RIC1: variants seen among roughly 807,000 people sequenced by gnomAD.
RIC1 encodes the protein RIC1 partner of RAB6A GEF complex, also known as guanine nucleotide exchange factor subunit RIC1.
Under a neutral mutation model 169.0 loss-of-function variants are expected in RIC1, and 88 were observed. The observed-to-expected ratio is 0.52, with a 90% CI of 0.44 to 0.62. The LOEUF is 0.62. Among genes scored for constraint, RIC1 ranks in the 20% least tolerant of loss-of-function variants. RIC1 has a pLI of 0.00. For synonymous variants in RIC1, 790 were observed against 601.5 expected, an observed-to-expected ratio of 1.31 and a Z score of -4.59; for missense variants, 1,877 against 1,725.5, an observed-to-expected ratio of 1.09 and a Z score of -1.56.
At chr9:5,769,858 G>A (rs1343767284) in intron 22 of RIC1, among the ~76,000 whole-genome samples, 1 of 152,162 alleles carries the variant, frequency 6.6e-6, no homozygotes, top group African/African-American at 2.4e-5. Context: ...CCTAGCTCCA[G>A]TAAGAAATAG....
chr9:5,656,889 C>A (rs1819133540), intron 2 of RIC1, among the ~76,000 whole-genome samples, 199 bp downstream of exon 2: 1 of 152,274 alleles, frequency 6.6e-6, no homozygotes, highest in South Asian at 2.1e-4. Context: ...ACTTCCTTAA[C>A]AAAGCACCTA....
chr9:5,660,061 T>C (rs1280211227), intron 2 of RIC1, among the ~76,000 whole-genome samples: 1 of 152,186 alleles, frequency 6.6e-6, no homozygotes, highest in Non-Finnish European at 1.5e-5. Flanking sequence ...TGTGTCCATA[T>C]GTTCTCATCA....
chr9:5,759,953 A>G (rs1257765349), intron 17 of RIC1, among the ~76,000 whole-genome samples: 1 of 152,236 alleles, frequency 6.6e-6, no homozygotes, highest in Non-Finnish European at 1.5e-5. Flanking sequence ...AACCAGTGGC[A>G]TCAGTAGTCC....
At chr9:5,672,168 C>T (rs1479223706) in intron 2 of RIC1, among the ~76,000 whole-genome samples, 1 of 152,154 alleles carries the variant, frequency 6.6e-6, no homozygotes, top group African/African-American at 2.4e-5. Flanking sequence ...TCACTTTATC[C>T]AGCATCTGTA....
chr9:5,667,056 G>A (rs1210538104), intron 2 of RIC1, among the ~76,000 whole-genome samples: 1 of 152,122 alleles, frequency 6.6e-6, no homozygotes, highest in African/African-American at 2.4e-5. Context: ...TGGATGTGAT[G>A]GCTCATGTCT....
chr9:5,769,467 T>G, intron 22 of RIC1: 1 of 1,454,408 alleles, frequency 6.9e-7, no homozygotes, highest in Non-Finnish European at 9.0e-7. Context: ...CTTGTGACCT[T>G]GAAGTCTAAT....
chr9:5,629,480 GCCGCTGCCT>G lies in RIC1; in HGVS notation c.144+30_144+38del, dbSNP rs557350455. On this transcript the variant is annotated intron_variant, in intron 1 of 25. Coordinates refer to ENST00000414202, the MANE Select transcript of RIC1 (RefSeq NM_020829.4). ...TAAGTAGAGCCGCCCGCCGCCTTTCGCCGCTGCCTCCCCGGCCTCCCGGCGCCGTCCCAC... is the reference window on the plus strand; with the variant it reads ...TAAGTAGAGCCGCCCGCCGCCTTTCGCCCCGGCCTCCCGGCGCCGTCCCAC... 1.8e-4 allele frequency: 277 copies of G among 1,520,934 alleles called. 1 individual carries two copies. In the African/African-American group the frequency reaches 3.2e-3, roughly 18 times the overall value. The allele number at this position is 1,520,934 out of a possible 1,614,324, so 94.2% of individuals were successfully genotyped here.
At chr9:5,630,246 G>T (rs940705899) in intron 1 of RIC1, among the ~76,000 whole-genome samples, 16 of 152,224 alleles carry the variant, frequency 1.1e-4, no homozygotes, top group African/African-American at 3.9e-4. Flanking sequence ...AAAGAAATAA[G>T]TGGTGGATGG....
chr9:5,680,088 A>C (rs537695757), intron 2 of RIC1, among the ~76,000 whole-genome samples: 1 of 152,156 alleles, frequency 6.6e-6, no homozygotes, highest in African/African-American at 2.4e-5. Flanking sequence ...TTCTGCATCT[A>C]TTGAGATAAT....
chr9:5,738,362 C>A, intron 7 of RIC1, 88 bp from the exon 8 acceptor site: 1 of 863,842 alleles, frequency 1.2e-6, no homozygotes, highest in Non-Finnish European at 1.8e-6. Context: ...GTTTACACTC[C>A]CACCAGCAAA....
chr9:5,762,442 T>C (rs770181951), intron 17 of RIC1, 99 bp from the exon 18 acceptor site: 66 of 1,401,694 alleles, frequency 4.7e-5, no homozygotes, highest in Non-Finnish European at 6.3e-5. Flanking sequence ...CAATAAATAA[T>C]GTAGATTGTT....
At chr9:5,706,147 G>A (rs1822571562) in intron 3 of RIC1, among the ~76,000 whole-genome samples, 1 of 152,126 alleles carries the variant, frequency 6.6e-6, no homozygotes, top group Admixed American at 6.5e-5. Flanking sequence ...TGGTATCAGG[G>A]TAATTCTGGC....
At chr9:5,719,336 C>T (rs1823451775) in intron 4 of RIC1, 1 of 152,226 alleles carries the variant, frequency 6.6e-6, no homozygotes, top group Non-Finnish European at 1.5e-5. Context: ...GTGAGCAAAA[C>T]AGGCTATTTC....
At chr9:5,728,849 A>G (rs1048788035) in intron 6 of RIC1, among the ~76,000 whole-genome samples, 13 of 152,238 alleles carry the variant, frequency 8.5e-5, no homozygotes, top group African/African-American at 3.1e-4. Flanking sequence ...GCTAATTAAT[A>G]TATGGATTTG....
chr9:5,757,324 C>G lies in RIC1; in HGVS notation c.1865C>G (p.Thr622Ser). 6.2e-7 allele frequency: 1 copy of G among 1,614,014 alleles called. No homozygotes were observed. The highest frequency in any genetic ancestry group is 8.5e-7 in the Non-Finnish European group (1 of 1,179,900). Residue 622 changes from threonine (T) to serine (S), a missense_variant, in exon 17 of 26, where the codon ACT (threonine) becomes AGT (serine). By Grantham distance (58) the Thr-to-Ser change is moderately conservative. Around this residue, in one of 3 missense-constraint regions of RIC1, gnomAD observed 1,104 missense variants for 992.0 expected, o/e 1.11. Coordinates refer to ENST00000414202, the MANE Select transcript of RIC1 (RefSeq NM_020829.4). ...TTTTGTTTTTACAGTCCAAATACTA[C>G]TGCTGGTATTCAAGTTCTTCAGGAG... ...IERKSDGPNTTAGIQVLQEVS... is the reference protein window; with the variant it reads ...IERKSDGPNTSAGIQVLQEVS...
chr9:5,727,665 T>G (rs934367137), intron 6 of RIC1, among the ~76,000 whole-genome samples: 4 of 152,230 alleles, frequency 2.6e-5, no homozygotes, highest in Admixed American at 6.5e-5. Flanking sequence ...TTTCTCCCCA[T>G]CTTTGGTTTT....
intron 2 of RIC1, among the ~76,000 whole-genome samples, chr9:5,680,974 CCGCT>C: frequency 6.7e-6 from 1 of 149,980 alleles, no homozygotes; most frequent in Non-Finnish European, 1.5e-5. Flanking sequence ...CTACAGGCGC[CCGCT>C]ACCACGCCCG....
At chr9:5,699,942 A>G (rs545329370) in intron 3 of RIC1, among the ~76,000 whole-genome samples, 1 of 152,190 alleles carries the variant, frequency 6.6e-6, no homozygotes, top group East Asian at 1.9e-4. Flanking sequence ...TTTAAGAACC[A>G]CAACAACTTT....
At chr9:5,726,886 C>G (rs1448190523) in intron 6 of RIC1, among the ~76,000 whole-genome samples, 1 of 152,244 alleles carries the variant, frequency 6.6e-6, no homozygotes, top group African/African-American at 2.4e-5. Flanking sequence ...TTGGCCCCCA[C>G]TATCTTCTGG....
Sources: gnomAD v4.1 joint callset for allele counts (sites outside exome capture counted in the v4.1 genomes callset) on GRCh38, gnomAD v4.1.1 for gene constraint, gnomAD v4.1.1 regional missense constraint, MANE v1.5 for transcripts, NCBI Gene and HGNC (gene_info 2026-07-23, HGNC 2026-07-21) for gene names.